Variants in ULK4 observed in about 807,000 individuals in gnomAD.
The protein encoded by ULK4 is inactive serine/threonine-protein kinase ULK4.
In ULK4, 133 loss-of-function variants were observed where a neutral mutation model predicts 160.6. That is an observed-to-expected ratio of 0.83 (90% CI 0.72 to 0.96). ULK4 has a LOEUF of 0.96. Ranked by LOEUF, ULK4 falls within the 40% of genes least tolerant of loss-of-function variation. ULK4 has a pLI of 0.00. For missense variants in ULK4, 1,580 were observed against 1,499.5 expected, an observed-to-expected ratio of 1.05 and a Z score of -0.89; for synonymous variants, 534 against 539.8, an observed-to-expected ratio of 0.99 and a Z score of 0.15.
chr3:41,800,507 C>G (rs2040426157), intron 19 of ULK4, among the ~76,000 whole-genome samples: 1 of 152,132 alleles, frequency 6.6e-6, no homozygotes, highest in Non-Finnish European at 1.5e-5. Context: ...TAACATAACT[C>G]TCCATATATT....
chr3:41,271,243 C>G (rs1332866752), intron 35 of ULK4, among the ~76,000 whole-genome samples: 2 of 152,140 alleles, frequency 1.3e-5, no homozygotes, highest in African/African-American at 4.8e-5. Flanking sequence ...TTGCAGGTAC[C>G]CACTGATTTC....
intron 31 of ULK4, among the ~76,000 whole-genome samples, chr3:41,575,621 G>A (rs1328994510): frequency 6.6e-6 from 1 of 152,226 alleles, no homozygotes; most frequent in Non-Finnish European, 1.5e-5. Context: ...GACAGATACA[G>A]TAGAGGCCCT....
intron 32 of ULK4, among the ~76,000 whole-genome samples, chr3:41,502,779 G>T (rs1304544047): frequency 1.3e-5 from 2 of 152,176 alleles, no homozygotes; most frequent in East Asian, 3.8e-4. Context: ...TGGTTCCCAG[G>T]AAGTGGGAGG....
intron 29 of ULK4, among the ~76,000 whole-genome samples, chr3:41,675,169 A>G (rs2035669779): frequency 6.7e-6 from 1 of 149,388 alleles, no homozygotes; most frequent in African/African-American, 2.5e-5. Flanking sequence ...GAACCCAGGA[A>G]ATGGAGGTTG....
chr3:41,783,691 T>C (rs1210465081), intron 21 of ULK4, among the ~76,000 whole-genome samples: 3 of 152,152 alleles, frequency 2.0e-5, no homozygotes, highest in Non-Finnish European at 4.4e-5. Flanking sequence ...TCTATACTAC[T>C]CATATGAATC....
Position 41,704,035 on chromosome 3 carries a change from A to G in ULK4, c.2781+1022T>C, listed in dbSNP as rs1190115834. On this transcript the variant is annotated intron_variant, in intron 27 of 36. Transcript: ENST00000301831. ...ATCTAAGTACAGTTTTTATTTCTAA[A>G]TTCATTACTTTTATTCATTATTACA... 3.9e-5 allele frequency among the ~76,000 whole-genome samples: 6 copies of G among 152,154 alleles called. No homozygotes were observed. In the East Asian group the frequency reaches 5.8e-4, roughly 15 times the overall value.
At chr3:41,957,057 CTT>C (rs1482457299) in intron 1 of ULK4, among the ~76,000 whole-genome samples, 3 of 152,178 alleles carry the variant, frequency 2.0e-5, no homozygotes, top group African/African-American at 7.2e-5. Flanking sequence ...TAAATAAGGA[CTT>C]GATGTAAACT....
intron 30 of ULK4, among the ~76,000 whole-genome samples, chr3:41,653,430 C>T (rs186897021): frequency 6.0e-4 from 92 of 152,294 alleles, no homozygotes; most frequent in Non-Finnish European, 1.1e-3. Context: ...GTATGCCCTT[C>T]CTCTTGGATC....
At chr3:41,664,157 T>G (rs2035278734) in intron 29 of ULK4, among the ~76,000 whole-genome samples, 1 of 152,158 alleles carries the variant, frequency 6.6e-6, no homozygotes, top group Non-Finnish European at 1.5e-5. Flanking sequence ...GAAGATTCAG[T>G]GAGATAATCC....
chr3:41,886,863 G>A (rs538590150), intron 16 of ULK4, among the ~76,000 whole-genome samples: 76 of 151,974 alleles, frequency 5.0e-4, no homozygotes, highest in Non-Finnish European at 8.5e-4. Flanking sequence ...GTGAGCCACC[G>A]CGCCCAGCCT....
At chr3:41,506,764 T>TTAAAAAAAAAAAAAAAAAAAAAA (rs1553684746) in intron 32 of ULK4, among the ~76,000 whole-genome samples, 1 of 19,924 alleles carries the variant, frequency 5.0e-5, no homozygotes, top group African/African-American at 1.8e-4. Flanking sequence ...GAGTGTGATT[T>TTAAAAAAAAAAAAAAAAAAAAAA]AAAATATATA....
chr3:41,279,278 A>G (rs2079303111), intron 35 of ULK4, among the ~76,000 whole-genome samples: 1 of 149,310 alleles, frequency 6.7e-6, no homozygotes, highest in African/African-American at 2.6e-5. Context: ...AAAAAAAACA[A>G]AACGACAAAG....
rs10524611 is a variant in ULK4 at position 41,935,209 on chromosome 3, ATTTTTTTTTTTTTTTTTTTTT to A, written c.378+571_378+591del. 1.9e-3 allele frequency among the ~76,000 whole-genome samples: 255 copies of A among 135,614 alleles called. 6 individuals carry two copies. The highest frequency in any genetic ancestry group is 3.0e-3 in the Non-Finnish European group (198 of 66,282). 89.0% of individuals were successfully genotyped at this position (135,614 alleles called of 152,430 possible). On this transcript the variant is annotated intron_variant, in intron 4 of 36. Transcript: ENST00000301831. ...TTTTTGTGTTTTTATTTATTTATTT[ATTTTTTTTTTTTTTTTTTTTT>A]TTTTTTTTTTTTTTTGAGACGGAGT...
At chr3:41,877,693 G>A (rs552064950) in intron 17 of ULK4, among the ~76,000 whole-genome samples, 2 of 152,182 alleles carry the variant, frequency 1.3e-5, no homozygotes, top group Non-Finnish European at 2.9e-5. Context: ...TTTTAAATCT[G>A]AATTGGAGCC....
chr3:41,660,332 T>C (rs2035107155), intron 30 of ULK4, among the ~76,000 whole-genome samples: 1 of 151,934 alleles, frequency 6.6e-6, no homozygotes. Flanking sequence ...AAAATATTTA[T>C]TCACATTAGC....
At chr3:41,907,703 T>C (rs559053144) in intron 12 of ULK4, 142 bp downstream of exon 12, 14 of 461,440 alleles carry the variant, frequency 3.0e-5, no homozygotes, top group Non-Finnish European at 4.7e-5. Context: ...TCAGAGTACT[T>C]ACAAGAAAAA....
At chr3:41,860,355 C>G (rs2042472002) in intron 17 of ULK4, among the ~76,000 whole-genome samples, 1 of 151,718 alleles carries the variant, frequency 6.6e-6, no homozygotes, top group African/African-American at 2.4e-5. Flanking sequence ...GTATCAAGGC[C>G]TCTCTCTTTA....
intron 30 of ULK4, among the ~76,000 whole-genome samples, chr3:41,624,549 T>C (rs2033403477): frequency 6.6e-6 from 1 of 152,220 alleles, no homozygotes; most frequent in African/African-American, 2.4e-5. Context: ...TCTCTTTGAC[T>C]ATAAATGCTA....
intron 27 of ULK4, among the ~76,000 whole-genome samples, chr3:41,689,109 T>A (rs1053472091): frequency 6.6e-6 from 1 of 152,154 alleles, no homozygotes; most frequent in South Asian, 2.1e-4. Context: ...CCCTGCCAAA[T>A]AGCCTCCAAT....
Sources: gnomAD v4.1 joint callset for allele counts (sites outside exome capture counted in the v4.1 genomes callset) on GRCh38, gnomAD v4.1.1 for gene constraint, MANE v1.5 for transcripts, NCBI Gene and HGNC (gene_info 2026-07-23, HGNC 2026-07-21) for gene names.